Variants in THAP8 observed in about 807,000 individuals in gnomAD.
THAP8 encodes THAP domain containing 8, also known as THAP domain-containing protein 8.
In THAP8, 24 loss-of-function variants were observed where a neutral mutation model predicts 25.0. The observed-to-expected ratio is 0.96, with a 90% CI of 0.69 to 1.35. The LOEUF is 1.35. THAP8 is among the 40% of genes most tolerant of loss of function. THAP8 has a pLI of 0.00. For synonymous variants in THAP8, 169 were observed against 157.6 expected (o/e 1.07, Z -0.54); for missense variants, 399 against 368.8 (o/e 1.08, Z -0.67).
At position 36,040,084 on chromosome 19, in the gene THAP8, A is replaced by G. The variant is rs2145434268; in HGVS notation, c.136T>C (p.Cys46Arg). The G allele has an allele frequency of 6.2e-7, 1 of 1,613,414 alleles. No homozygotes were observed. The highest frequency in any genetic ancestry group is 2.2e-5 in the East Asian group (1 of 44,872). The change falls in exon 2 of 4, where the codon TGT (cysteine) becomes CGT (arginine). Residue 46 changes from cysteine (C) to arginine (R), a missense_variant. Physicochemically the swap from Cys to Arg is radical, Grantham distance 180 (BLOSUM62 -3). Transcript: ENST00000292894. ...TGGCAGCTGGGCACCCAGTGCTCAC[A>G]GCCCATGTGCTGCAGCCAGGCCTGC... ...RLQAWLQHMG[C>R]EHWVPSCHQH...
At chr19:36,054,758 C>G (rs1489818985), upstream of THAP8, 1 of 629,750 alleles carries the variant, frequency 1.6e-6, no homozygotes, top group Non-Finnish European at 2.8e-6. Flanking sequence ...AGTACACTGG[C>G]TGTGGCCCCG....
At position 36,053,552 on chromosome 19, in the gene THAP8, CAA is replaced by C. The variant is rs766799036; in HGVS notation, c.83+581_83+582del. On this transcript the variant is annotated intron_variant, in intron 1 of 3. Coordinates refer to ENST00000292894, the MANE Select transcript of THAP8 (RefSeq NM_152658.3). ...CCTGGGCGACAAAGCGATCTTGTCTCAAAAAAAAAAAAAAAAAAAAGCAAAGA... is the reference window on the plus strand; with the variant it reads ...CCTGGGCGACAAAGCGATCTTGTCTCAAAAAAAAAAAAAAAAAAGCAAAGA... Among the ~76,000 whole-genome samples the C allele has an allele frequency of 5.6e-4, 33 of 58,908 alleles. No homozygotes were observed. The South Asian group carries it at 9.1e-3, about 16-fold the overall frequency. 38.6% of individuals were successfully genotyped at this position (58,908 alleles called of 152,430 possible).
At chr19:36,043,606 C>G (rs1291815486) in intron 1 of THAP8, among the ~76,000 whole-genome samples, 3 of 152,142 alleles carry the variant, frequency 2.0e-5, no homozygotes, top group African/African-American at 7.2e-5. Flanking sequence ...GTGGCTCACG[C>G]CTGTAATCCC....
rs1484617944 is a variant in THAP8 at position 36,035,267 on chromosome 19, G to C, written c.*173C>G. On this transcript the variant is annotated 3_prime_UTR_variant, in exon 4 of 4. Coordinates refer to ENST00000292894, the MANE Select transcript of THAP8 (RefSeq NM_152658.3). ...GGGGCTGATGAGAGACTTGGGCCCA[G>C]GTCACCCCTAAGGTTCAAGAGATCC... is the stretch of plus-strand genomic sequence containing the variant. 1 of 793,716 alleles carries C rather than the reference G, an allele frequency of 1.3e-6. No homozygotes were observed. Among genetic ancestry groups the C allele is most frequent in the East Asian group, 2.8e-5 (1 of 35,300 alleles). 49.2% of individuals were successfully genotyped at this position (793,716 alleles called of 1,614,324 possible). A position where few individuals can be genotyped will look rare whatever the true frequency, so the allele number is the denominator to read the frequency against.
Position 36,039,626 on chromosome 19 carries a change from T to A in THAP8, c.369A>T (p.Pro123=). The change falls in exon 3 of 4, where the codon CCA becomes CCT. Residue 123 remains proline, a synonymous_variant. Coordinates refer to ENST00000292894, the MANE Select transcript of THAP8 (RefSeq NM_152658.3). ...NTPLPQSPAI[P]VSGPVRLVVL... is the part of the protein sequence containing the mutation. Reference sequence around the variant, plus strand: ...CCACTAGGCGCACTGGGCCAGAGACTGGGATGGCAGGGCTCTGGGGCAGGG... The same window carrying A: ...CCACTAGGCGCACTGGGCCAGAGACAGGGATGGCAGGGCTCTGGGGCAGGG... The A allele has an allele frequency of 1.3e-6, 2 of 1,508,156 alleles. No individual in the cohort carries two copies. The highest frequency in any genetic ancestry group is 1.8e-6 in the Non-Finnish European group (2 of 1,126,352). 93.4% of individuals were successfully genotyped at this position (1,508,156 alleles called of 1,614,324 possible). A position where few individuals can be genotyped will look rare whatever the true frequency, so the allele number is the denominator to read the frequency against.
chr19:36,047,389 G>T (rs961980227), intron 1 of THAP8, among the ~76,000 whole-genome samples: 1 of 152,190 alleles, frequency 6.6e-6, no homozygotes, highest in Non-Finnish European at 1.5e-5. Context: ...AGATGATTCA[G>T]TTTAGACCTG....
At position 36,039,485 on chromosome 19, in the gene THAP8, CTGGG is replaced by C; in HGVS notation, c.506_509del (p.Ala169GlyfsTer55). ...CTCCCAGCACTGGGCCCAGCCCGGT[CTGGG>C]CCTGTTGGGCAGGGACTTCAGGTTG... is the stretch of plus-strand genomic sequence containing the variant. On this transcript the variant is annotated frameshift_variant, in exon 3 of 4. Transcript: ENST00000292894. LOFTEE classifies it high-confidence loss of function. 6.3e-7 allele frequency: 1 copy of C among 1,592,776 alleles called. No homozygotes were observed. Among genetic ancestry groups the C allele is most frequent in the Non-Finnish European group, 8.6e-7 (1 of 1,167,908 alleles).
intron 1 of THAP8, among the ~76,000 whole-genome samples, chr19:36,052,524 CAACA>C (rs1449287612): frequency 1.3e-5 from 2 of 152,210 alleles, no homozygotes; most frequent in East Asian, 1.9e-4. Context: ...GAGGGAGTCT[CAACA>C]AACAGAGTTA....
intron 1 of THAP8, among the ~76,000 whole-genome samples, chr19:36,051,475 A>G (rs1412376507): frequency 6.6e-6 from 1 of 152,050 alleles, no homozygotes; most frequent in Non-Finnish European, 1.5e-5. Context: ...AGCAGGGAAC[A>G]GACTGGGGGT....
chr19:36,052,192 G>T (rs989858827), intron 1 of THAP8, among the ~76,000 whole-genome samples: 1 of 152,110 alleles, frequency 6.6e-6, no homozygotes, highest in Non-Finnish European at 1.5e-5. Context: ...TTACAGGCAT[G>T]TGCCACCACA....
chr19:36,035,436 A>C lies in THAP8; in HGVS notation c.*4T>G, dbSNP rs1028803039. ...TTGTCCCTCGACATTGTCTGTCTTG[A>C]TCCTTATGCACTGGGGATCCGAGTG... On this transcript the variant is annotated 3_prime_UTR_variant, in exon 4 of 4. Coordinates refer to ENST00000292894, the MANE Select transcript of THAP8 (RefSeq NM_152658.3). 1.2e-6 allele frequency: 2 copies of C among 1,612,524 alleles called. No homozygotes were observed. The highest frequency in any genetic ancestry group is 1.7e-6 in the Non-Finnish European group (2 of 1,179,052).
intron 1 of THAP8, among the ~76,000 whole-genome samples, chr19:36,043,733 C>G (rs918530441): frequency 9.9e-5 from 15 of 151,866 alleles, no homozygotes; most frequent in African/African-American, 3.6e-4. Context: ...ACGAAAATTA[C>G]AAAAATTAGC....
chr19:36,039,269 T>C, intron 3 of THAP8, 54 bp downstream of exon 3: 5 of 1,412,712 alleles, frequency 3.5e-6, no homozygotes, highest in Middle Eastern at 2.6e-4. Flanking sequence ...GAAAACACAC[T>C]GCAGGCCAGG....
chr19:36,039,575 G>C lies in THAP8; in HGVS notation c.420C>G (p.Pro140=). The C allele has an allele frequency of 2.6e-6, 4 of 1,516,100 alleles. No individual in the cohort carries two copies. Among genetic ancestry groups the C allele is most frequent in the Non-Finnish European group, 3.5e-6 (4 of 1,128,008 alleles). The allele number at this position is 1,516,100 out of a possible 1,614,324, so 93.9% of individuals were successfully genotyped here. The change falls in exon 3 of 4, where the codon CCC becomes CCG. Residue 140 remains proline (P), a synonymous_variant. Coordinates refer to ENST00000292894, the MANE Select transcript of THAP8 (RefSeq NM_152658.3). ...TCAGGAGCATGGTGGCCACAGTCTT[G>C]GGGCTCCCCGATGTGGGGCCCAGCA... The part of the protein sequence containing the change: ...LVVLGPTSGS[P]KTVATMLLTP...
At chr19:36,048,867 A>C (rs1969970110) in intron 1 of THAP8, among the ~76,000 whole-genome samples, 1 of 149,306 alleles carries the variant, frequency 6.7e-6, no homozygotes, top group African/African-American at 2.5e-5. Context: ...CAAAAAAACA[A>C]AAAACACCTT....
intron 1 of THAP8, among the ~76,000 whole-genome samples, chr19:36,043,385 C>T (rs1300158777): frequency 6.6e-6 from 1 of 151,956 alleles, no homozygotes; most frequent in South Asian, 2.1e-4. Context: ...ATGGTGGTTG[C>T]CAAGAGCCTG....
intron 1 of THAP8, 52 bp from the exon 2 acceptor site, chr19:36,040,188 C>A (rs769506101): frequency 7.9e-6 from 12 of 1,525,730 alleles, no homozygotes; most frequent in Admixed American, 3.9e-5. Context: ...CAGACTTATC[C>A]CTCCCAGAGG....
intron 1 of THAP8, among the ~76,000 whole-genome samples, chr19:36,043,804 C>T (rs1209567406): frequency 6.6e-6 from 1 of 152,194 alleles, no homozygotes; most frequent in Non-Finnish European, 1.5e-5. Flanking sequence ...AGAAGAATTA[C>T]TTGAACCTGG....
At chr19:36,045,795 C>A (rs371197959) in intron 1 of THAP8, 1 of 456,608 alleles carries the variant, frequency 2.2e-6, no homozygotes, top group Non-Finnish European at 4.4e-6. Flanking sequence ...CACCAGGAAC[C>A]GGAACAGGCA....
Sources: allele counts gnomAD v4.1 joint callset (sites outside exome capture counted in the v4.1 genomes callset), GRCh38; gene constraint gnomAD v4.1.1; transcripts MANE v1.5; gene names NCBI Gene and HGNC (gene_info 2026-07-23, HGNC 2026-07-21).